KALRN: variants seen among roughly 807,000 people sequenced by gnomAD.
The protein encoded by KALRN is kalirin RhoGEF kinase.
Under a neutral mutation model 353.7 loss-of-function variants are expected in KALRN, and 70 were observed. The observed-to-expected ratio is 0.20, with a 90% CI of 0.16 to 0.24. The LOEUF (loss-of-function observed/expected upper bound fraction) is 0.24, where lower values mean the gene tolerates loss of function less well. Ranked by LOEUF, KALRN falls within the 10% of genes least tolerant of loss-of-function variation. The probability of loss-of-function intolerance (pLI) is 1.00; values close to 1 mark genes in which losing one functional copy is unlikely to be tolerated. For missense variants in KALRN, 2,791 were observed against 3,756.7 expected (o/e 0.74, Z 6.72); for synonymous variants, 1,391 against 1,434.8 (o/e 0.97, Z 0.69).
intron 3 of KALRN, among the ~76,000 whole-genome samples, chr3:124,253,913 C>A (rs901113783): frequency 1.3e-5 from 2 of 152,204 alleles, no homozygotes; most frequent in Admixed American, 1.3e-4. Context: ...TGTTATGGGT[C>A]TCTGCTTCCC....
At chr3:124,164,708 TTTTCCTATCCC>T (rs2070532596) in intron 1 of KALRN, 1 of 152,218 alleles carries the variant, frequency 6.6e-6, no homozygotes, top group Non-Finnish European at 1.5e-5. Flanking sequence ...TGGACTTCTT[TTTTCCTATCCC>T]TTTCCTGTTT....
intron 34 of KALRN, among the ~76,000 whole-genome samples, chr3:124,598,677 T>G (rs1449586212): frequency 6.6e-6 from 1 of 152,142 alleles, no homozygotes; most frequent in Non-Finnish European, 1.5e-5. Flanking sequence ...TGATGTTGTT[T>G]TTGTCATTGT....
chr3:124,600,122 A>G (rs6808591), intron 34 of KALRN, among the ~76,000 whole-genome samples: 23,538 of 152,260 alleles, frequency 0.15, 1,947 homozygotes, highest in Middle Eastern at 0.19. Context: ...AGCCGCGGGG[A>G]AAGAAGAGCA....
chr3:124,694,623 T>C lies in KALRN; in HGVS notation c.7577+120T>C, dbSNP rs2061969572. 14 of 952,452 alleles carry C rather than the reference T, an allele frequency of 1.5e-5. No individual in the cohort carries two copies. In the South Asian group the frequency reaches 2.3e-4, roughly 15 times the overall value. The allele number at this position is 952,452 out of a possible 1,614,324, so 59.0% of individuals were successfully genotyped here. A position where few individuals can be genotyped will look rare whatever the true frequency, so the allele number is the denominator to read the frequency against. ...GGGCTCTGCAAGAGAATAGCTGCCC[T>C]GGAGCCTGTTCTTGGGCAAACACTT... On this transcript the variant is annotated intron_variant, in intron 53 of 59. Transcript: ENST00000682506.
intron 34 of KALRN, among the ~76,000 whole-genome samples, chr3:124,585,727 A>T (rs979781614): frequency 1.4e-4 from 22 of 152,258 alleles, no homozygotes; most frequent in Admixed American, 3.3e-4. Flanking sequence ...ACGCTAGGAT[A>T]GCGGGGGAAG....
chr3:124,209,788 A>G (rs1184201363), intron 1 of KALRN, among the ~76,000 whole-genome samples: 1 of 152,262 alleles, frequency 6.6e-6, no homozygotes, highest in Non-Finnish European at 1.5e-5. Flanking sequence ...TGGCTATGCC[A>G]CCTTGGGCAA....
At chr3:124,232,002 A>C (rs1054689418) in intron 2 of KALRN, among the ~76,000 whole-genome samples, 6 of 152,174 alleles carry the variant, frequency 3.9e-5, no homozygotes, top group Admixed American at 1.3e-4. Flanking sequence ...TGATGTGTCT[A>C]TCTGTGGTTT....
At chr3:124,669,209 A>G (rs1006758307) in intron 47 of KALRN, among the ~76,000 whole-genome samples, 1 of 152,218 alleles carries the variant, frequency 6.6e-6, no homozygotes, top group African/African-American at 2.4e-5. Flanking sequence ...CCACAGCTAT[A>G]GGACTTCAAA....
intron 33 of KALRN, among the ~76,000 whole-genome samples, chr3:124,558,051 A>T (rs553712206): frequency 6.6e-6 from 1 of 152,040 alleles, no homozygotes; most frequent in African/African-American, 2.4e-5. Flanking sequence ...GATTTGAGGG[A>T]GGTCTGAGTC....
intron 3 of KALRN, among the ~76,000 whole-genome samples, chr3:124,247,565 C>CA (rs2070481632): frequency 6.6e-6 from 1 of 152,052 alleles, no homozygotes; most frequent in Non-Finnish European, 1.5e-5. Flanking sequence ...AAAACACTAA[C>CA]AAAAAACATT....
rs529810541 is a variant in KALRN at position 124,587,698 on chromosome 3, C to CTTT, written c.5182+24632_5182+24634dup. On this transcript the variant is annotated intron_variant, in intron 34 of 59. Coordinates refer to ENST00000682506, the MANE Select transcript of KALRN (RefSeq NM_001388419.1). ...TTTTTCCCTCCACCCCCACCCTCCA[C>CTTT]TTTTTTTTTTTTTTTTTTTTTTTTT... Among the ~76,000 whole-genome samples, 190 of 75,856 alleles carry CTTT rather than the reference C, an allele frequency of 2.5e-3. 6 individuals carry two copies. Among genetic ancestry groups the CTTT allele is most frequent in the East Asian group, 5.1e-3 (11 of 2,166 alleles). 49.8% of individuals were successfully genotyped at this position (75,856 alleles called of 152,430 possible). A position where few individuals can be genotyped will look rare whatever the true frequency, so the allele number is the denominator to read the frequency against.
chr3:124,139,027 G>A (rs1362581540), intron 1 of KALRN, among the ~76,000 whole-genome samples: 1 of 152,150 alleles, frequency 6.6e-6, no homozygotes, highest in African/African-American at 2.4e-5. Context: ...GGGGACCGGG[G>A]AGCATATGGG....
intron 33 of KALRN, among the ~76,000 whole-genome samples, chr3:124,551,375 T>C (rs965962927): frequency 1.3e-5 from 2 of 152,168 alleles, no homozygotes; most frequent in African/African-American, 4.8e-5. Context: ...AAACTTGACA[T>C]GAAGATGCTT....
intron 10 of KALRN, among the ~76,000 whole-genome samples, chr3:124,352,018 T>C (rs563913063): frequency 1.7e-3 from 257 of 152,300 alleles, no homozygotes; most frequent in Middle Eastern, 0.014. Context: ...TGTCTACAGT[T>C]TTCTAGTCTA....
chr3:124,289,841 G>T (rs1321178715), intron 5 of KALRN, among the ~76,000 whole-genome samples: 2 of 152,156 alleles, frequency 1.3e-5, no homozygotes, highest in Non-Finnish European at 2.9e-5. Flanking sequence ...CACTATGAAG[G>T]CTCTTGGCAC....
intron 1 of KALRN, among the ~76,000 whole-genome samples, chr3:124,199,971 T>C (rs763944653): frequency 6.6e-6 from 1 of 152,210 alleles, no homozygotes; most frequent in Non-Finnish European, 1.5e-5. Flanking sequence ...GAAAAGGTTT[T>C]TCAACCTTCT....
intron 14 of KALRN, among the ~76,000 whole-genome samples, chr3:124,418,475 A>C (rs1216682228): frequency 6.6e-6 from 1 of 152,190 alleles, no homozygotes; most frequent in Non-Finnish European, 1.5e-5. Context: ...AGGTAGAGGG[A>C]GTGACACAGA....
At chr3:124,187,488 A>G (rs1268591542) in intron 1 of KALRN, among the ~76,000 whole-genome samples, 1 of 152,156 alleles carries the variant, frequency 6.6e-6, no homozygotes, top group African/African-American at 2.4e-5. Flanking sequence ...TTCAGTCTCT[A>G]TTGGCAGAAG....
intron 11 of KALRN, among the ~76,000 whole-genome samples, chr3:124,386,079 G>A (rs915698712): frequency 9.2e-5 from 14 of 152,142 alleles, no homozygotes; most frequent in African/African-American, 2.2e-4. Context: ...CCATTGCAGC[G>A]CCTGTCAGAG....
Sources: gnomAD v4.1 joint callset for allele counts (sites outside exome capture counted in the v4.1 genomes callset) on GRCh38, gnomAD v4.1.1 for gene constraint, MANE v1.5 for transcripts, NCBI Gene and HGNC (gene_info 2026-07-23, HGNC 2026-07-21) for gene names.